CEP128: variants seen among roughly 807,000 people sequenced by gnomAD.
The protein encoded by CEP128 is centrosomal protein 128, also known as centrosomal protein 128kDa.
In CEP128, 132 loss-of-function variants were observed where a neutral mutation model predicts 156.7. The observed-to-expected ratio is 0.84, with a 90% CI of 0.73 to 0.97. The LOEUF (loss-of-function observed/expected upper bound fraction) is 0.97. CEP128 is among the 50% of genes least tolerant of loss of function. The pLI is 0.00. For missense variants in CEP128, 1,252 were observed against 1,281.9 expected, an observed-to-expected ratio of 0.98 and a Z score of 0.36; for synonymous variants, 469 against 448.9, an observed-to-expected ratio of 1.04 and a Z score of -0.57.
Position 80,838,502 on chromosome 14 carries a change from G to C in CEP128, c.850-224C>G, listed in dbSNP as rs144402660. ...ACCAGACCAGGCCTCAGGAAGTCTG[G>C]GATCTAGTAAGTTTCATCTCAACTG... On this transcript the variant is annotated intron_variant, in intron 10 of 24. Coordinates refer to ENST00000555265, the MANE Select transcript of CEP128 (RefSeq NM_152446.5). 5.9e-3 allele frequency among the ~76,000 whole-genome samples: 897 copies of C among 152,136 alleles called. 9 individuals carry two copies. Among genetic ancestry groups the C allele is most frequent in the African/African-American group, 0.021 (860 of 41,506 alleles).
At chr14:80,699,566 C>T (rs74064527) in intron 19 of CEP128, among the ~76,000 whole-genome samples, 10,140 of 152,108 alleles carry the variant, frequency 0.067, 1,124 homozygotes, top group African/African-American at 0.23. Context: ...TATATGCCAC[C>T]ATTTAACATA....
At chr14:80,624,687 T>G (rs1893633648) in intron 19 of CEP128, among the ~76,000 whole-genome samples, 1 of 152,172 alleles carries the variant, frequency 6.6e-6, no homozygotes, top group Non-Finnish European at 1.5e-5. Context: ...ATGTTGAGCA[T>G]TTTTTCATGT....
chr14:80,832,731 C>G (rs1034968381), intron 12 of CEP128, among the ~76,000 whole-genome samples: 4 of 152,108 alleles, frequency 2.6e-5, no homozygotes, highest in Non-Finnish European at 5.9e-5. Flanking sequence ...ATAAAGCATA[C>G]AGGTACAAAA....
chr14:80,905,243 A>T (rs567077838), intron 5 of CEP128, among the ~76,000 whole-genome samples: 1 of 152,092 alleles, frequency 6.6e-6, no homozygotes, highest in African/African-American at 2.4e-5. Context: ...TAAAAAACTC[A>T]TATGACCCCT....
At chr14:80,939,145 A>G (rs1886004915) in intron 2 of CEP128, among the ~76,000 whole-genome samples, 1 of 152,384 alleles carries the variant, frequency 6.6e-6, no homozygotes, top group East Asian at 1.9e-4. Flanking sequence ...TTCCTTGCTT[A>G]ATAGAAACAG....
At chr14:80,548,754 C>T (rs374172546) in intron 21 of CEP128, among the ~76,000 whole-genome samples, 16 of 152,162 alleles carry the variant, frequency 1.1e-4, no homozygotes, top group African/African-American at 3.9e-4. Flanking sequence ...GCATCAAATA[C>T]GACACTGTCA....
At chr14:80,591,585 T>G (rs1892073007) in intron 19 of CEP128, among the ~76,000 whole-genome samples, 1 of 152,076 alleles carries the variant, frequency 6.6e-6, no homozygotes, top group East Asian at 1.9e-4. Flanking sequence ...CTGTCAATAC[T>G]AGACAGATCA....
chr14:80,606,962 T>A (rs924968256), intron 19 of CEP128, among the ~76,000 whole-genome samples: 4 of 146,410 alleles, frequency 2.7e-5, no homozygotes, highest in Non-Finnish European at 5.9e-5. Context: ...CTTGTTTTGA[T>A]ACACACATAT....
intron 2 of CEP128, among the ~76,000 whole-genome samples, chr14:80,949,389 C>T (rs774082425): frequency 1.4e-4 from 22 of 152,064 alleles, no homozygotes; most frequent in South Asian, 1.0e-3. Context: ...AGAAAACTTC[C>T]GAGAACTATA....
intron 14 of CEP128, 110 bp from the exon 15 acceptor site, chr14:80,785,655 ATTCATC>A: frequency 1.3e-6 from 1 of 749,360 alleles, no homozygotes; most frequent in Non-Finnish European, 2.0e-6. Context: ...GAAAAAAAAA[ATTCATC>A]AAATAATTTT....
In CEP128 at chr14:80,721,959, T is replaced by G. The variant is rs147950951; in HGVS notation, c.2806+21116A>C. ...TATGGGTCACATACTGTGCTAGTCA[T>G]GGAACACATATATTTAAGACAAGGC... On this transcript the variant is annotated intron_variant, in intron 19 of 24. Coordinates refer to ENST00000555265, the MANE Select transcript of CEP128 (RefSeq NM_152446.5). 3.5e-4 allele frequency among the ~76,000 whole-genome samples: 54 copies of G among 152,350 alleles called. 1 individual carries two copies. The highest frequency in any genetic ancestry group is 1.3e-3 in the African/African-American group (53 of 41,580).
At chr14:80,903,620 C>A (rs1883705512) in intron 6 of CEP128, among the ~76,000 whole-genome samples, 2 of 149,010 alleles carry the variant, frequency 1.3e-5, no homozygotes, top group Non-Finnish European at 1.5e-5. Context: ...CGTTAATATC[C>A]AAAATATATA....
chr14:80,563,093 C>A (rs1303873959), intron 20 of CEP128, among the ~76,000 whole-genome samples: 1 of 152,094 alleles, frequency 6.6e-6, no homozygotes, highest in Non-Finnish European at 1.5e-5. Context: ...CCCAGAGCTG[C>A]CTTTGTAATT....
chr14:80,716,553 C>T (rs142915598), intron 19 of CEP128, among the ~76,000 whole-genome samples: 1 of 152,178 alleles, frequency 6.6e-6, no homozygotes, highest in African/African-American at 2.4e-5. Context: ...TTTCAAGGTG[C>T]ATCCATGTAG....
intron 16 of CEP128, among the ~76,000 whole-genome samples, chr14:80,772,892 A>C (rs1386150912): frequency 6.6e-6 from 1 of 152,164 alleles, no homozygotes; most frequent in African/African-American, 2.4e-5. Flanking sequence ...TGTTAAACAA[A>C]AGGTAATACG....
At chr14:80,673,874 A>T (rs982433916) in intron 19 of CEP128, among the ~76,000 whole-genome samples, 1 of 151,880 alleles carries the variant, frequency 6.6e-6, no homozygotes, top group African/African-American at 2.4e-5. Flanking sequence ...AGAATACGCT[A>T]TCTTCACTGC....
At chr14:80,835,896 T>C (rs113608156) in intron 12 of CEP128, among the ~76,000 whole-genome samples, 2 of 152,168 alleles carry the variant, frequency 1.3e-5, no homozygotes, top group Non-Finnish European at 2.9e-5. Flanking sequence ...CTTACACATA[T>C]GCACGTATAT....
At position 80,906,110 on chromosome 14, in the gene CEP128, G is replaced by A. The variant is rs200558373; in HGVS notation, c.235-29C>T. 1.5e-3 allele frequency: 2,173 copies of A among 1,492,324 alleles called. 1 individual carries two copies. The highest frequency in any genetic ancestry group is 1.8e-3 in the Non-Finnish European group (1,964 of 1,114,738). The allele number at this position is 1,492,324 out of a possible 1,614,324, so 92.4% of individuals were successfully genotyped here. The stretch of plus-strand genomic sequence containing the variant: ...ATTTAAAGAATATAATGAATGAAGC[G>A]TTATTCTTCTTAAACAACTTCCAAA... On this transcript the variant is annotated intron_variant, in intron 4 of 24. Coordinates refer to ENST00000555265, the MANE Select transcript of CEP128 (RefSeq NM_152446.5).
chr14:80,836,179 A>G (rs758622190), intron 12 of CEP128, 26 bp downstream of exon 12: 36 of 1,610,928 alleles, frequency 2.2e-5, no homozygotes, highest in Non-Finnish European at 2.9e-5. Context: ...ACATTATCAC[A>G]TTATTAGGTA....
Sources: gnomAD v4.1 joint callset for allele counts (sites outside exome capture counted in the v4.1 genomes callset) on GRCh38, gnomAD v4.1.1 for gene constraint, MANE v1.5 for transcripts, NCBI Gene and HGNC (gene_info 2026-07-23, HGNC 2026-07-21) for gene names.